CHCHD3: variants seen among roughly 807,000 people sequenced by gnomAD.
CHCHD3 encodes the protein coiled-coil-helix-coiled-coil-helix domain containing 3.
CHCHD3 carries 20 observed loss-of-function variants against 38.2 expected under a neutral mutation model. That is an observed-to-expected ratio of 0.52 (90% CI 0.37 to 0.76). The LOEUF (loss-of-function observed/expected upper bound fraction) is 0.76, where lower values mean the gene tolerates loss of function less well. CHCHD3 is among the 30% of genes least tolerant of loss of function. The pLI is 0.00. For synonymous variants in CHCHD3, 82 were observed against 100.0 expected (o/e 0.82, Z 1.07); for missense variants, 245 against 279.2 (o/e 0.88, Z 0.87).
intron 3 of CHCHD3, among the ~76,000 whole-genome samples, chr7:133,016,890 C>A (rs1368421855): frequency 6.6e-6 from 1 of 152,210 alleles, no homozygotes; most frequent in Non-Finnish European, 1.5e-5. Flanking sequence ...GACCACTGCC[C>A]ATAAACACGG....
chr7:132,874,901 G>A (rs1430082359), intron 5 of CHCHD3, among the ~76,000 whole-genome samples: 10 of 152,110 alleles, frequency 6.6e-5, no homozygotes, highest in Non-Finnish European at 1.3e-4. Context: ...GGACCCTGAG[G>A]CAGCCTCTTC....
At chr7:132,975,529 A>G (rs1441713854) in intron 3 of CHCHD3, among the ~76,000 whole-genome samples, 2 of 152,234 alleles carry the variant, frequency 1.3e-5, no homozygotes, top group Non-Finnish European at 2.9e-5. Context: ...GCTGCCAAAT[A>G]TAACTAAGTT....
intron 6 of CHCHD3, among the ~76,000 whole-genome samples, chr7:132,807,374 A>G (rs948062305): frequency 1.3e-5 from 2 of 151,976 alleles, no homozygotes; most frequent in African/African-American, 4.8e-5. Context: ...ATATTTACTC[A>G]TTTACTGATG....
intron 4 of CHCHD3, among the ~76,000 whole-genome samples, chr7:132,938,399 C>T (rs889144065): frequency 6.6e-6 from 1 of 152,158 alleles, no homozygotes; most frequent in African/African-American, 2.4e-5. Context: ...CAAATGAACA[C>T]GTAATACATC....
chr7:132,836,234 C>T (rs1807778140), intron 6 of CHCHD3, among the ~76,000 whole-genome samples: 1 of 152,146 alleles, frequency 6.6e-6, no homozygotes, highest in African/African-American at 2.4e-5. Context: ...CTGCCTTAGC[C>T]TTAGCTACCT....
At chr7:132,854,561 G>A (rs763213652) in intron 5 of CHCHD3, among the ~76,000 whole-genome samples, 3 of 152,166 alleles carry the variant, frequency 2.0e-5, no homozygotes, top group Non-Finnish European at 4.4e-5. Context: ...ATACAGATGA[G>A]AGAGTGGGGA....
intron 3 of CHCHD3, among the ~76,000 whole-genome samples, chr7:132,985,520 G>T (rs1425823386): frequency 1.4e-5 from 1 of 71,984 alleles, no homozygotes; most frequent in Non-Finnish European, 2.8e-5. Flanking sequence ...TCAGCCCCCG[G>T]CCCGGCCAGC....
intron 6 of CHCHD3, among the ~76,000 whole-genome samples, chr7:132,813,926 C>T (rs574852993): frequency 3.3e-5 from 5 of 152,276 alleles, no homozygotes; most frequent in South Asian, 4.1e-4. Context: ...TACGTGCTCA[C>T]GGGGAGCAAC....
intron 5 of CHCHD3, among the ~76,000 whole-genome samples, chr7:132,868,813 C>T (rs1808694207): frequency 6.6e-6 from 1 of 152,020 alleles, no homozygotes. Flanking sequence ...GAACACTGTC[C>T]CACAAAGCTC....
intron 4 of CHCHD3, among the ~76,000 whole-genome samples, chr7:132,948,659 T>C (rs1448019020): frequency 1.3e-5 from 2 of 152,126 alleles, no homozygotes; most frequent in Non-Finnish European, 2.9e-5. Context: ...CTACTGAACA[T>C]ACTATATCAA....
At chr7:132,861,349 CT>C (rs573286522) in intron 5 of CHCHD3, among the ~76,000 whole-genome samples, 3 of 152,142 alleles carry the variant, frequency 2.0e-5, no homozygotes, top group South Asian at 2.1e-4. Flanking sequence ...CTGAAAACCC[CT>C]CTCCTATTTT....
intron 5 of CHCHD3, among the ~76,000 whole-genome samples, chr7:132,864,774 A>T (rs866240886): frequency 1.4e-4 from 21 of 152,160 alleles, no homozygotes; most frequent in African/African-American, 3.6e-4. Context: ...CCAATTTTTT[A>T]AAAAAATAAA....
intron 7 of CHCHD3, among the ~76,000 whole-genome samples, chr7:132,795,724 A>C (rs1407032171): frequency 6.6e-6 from 1 of 152,244 alleles, no homozygotes; most frequent in African/African-American, 2.4e-5. Flanking sequence ...TCTGCCTCTC[A>C]GAACAACCAT....
chr7:132,933,053 T>A lies in CHCHD3; in HGVS notation c.369+42116A>T, dbSNP rs547220820. ...AACAAGGGTCACCTTCAGATTCAGA[T>A]GGAAAACCGAGGTCTTGACCAGTTT... On this transcript the variant is annotated intron_variant, in intron 4 of 7. Coordinates refer to ENST00000262570, the MANE Select transcript of CHCHD3 (RefSeq NM_017812.4). Among the ~76,000 whole-genome samples, 4 of 152,332 alleles carry A rather than the reference T, an allele frequency of 2.6e-5. No homozygotes were observed. The East Asian group carries it at 7.7e-4, about 29-fold the overall frequency.
At chr7:132,792,274 C>A (rs959596625) in intron 7 of CHCHD3, among the ~76,000 whole-genome samples, 2 of 152,212 alleles carry the variant, frequency 1.3e-5, no homozygotes, top group Non-Finnish European at 2.9e-5. Flanking sequence ...AGGGAGCCTG[C>A]ATTTTCTAAT....
intron 4 of CHCHD3, chr7:132,972,487 G>T: frequency 1.3e-6 from 1 of 746,398 alleles, no homozygotes; most frequent in Non-Finnish European, 1.6e-6. Flanking sequence ...TACATTGAGT[G>T]ATTTTAGTAT....
At chr7:132,843,278 A>C (rs1309130504) in intron 5 of CHCHD3, among the ~76,000 whole-genome samples, 1 of 152,128 alleles carries the variant, frequency 6.6e-6, no homozygotes, top group East Asian at 1.9e-4. Flanking sequence ...CTTATTAAAC[A>C]GTAGAGTCTT....
At chr7:132,930,060 A>C (rs1810478822) in intron 4 of CHCHD3, among the ~76,000 whole-genome samples, 1 of 152,148 alleles carries the variant, frequency 6.6e-6, no homozygotes, top group Admixed American at 6.5e-5. Flanking sequence ...AACCTAAGTG[A>C]CAGAAATCTT....
intron 5 of CHCHD3, among the ~76,000 whole-genome samples, chr7:132,856,225 G>C (rs1808339491): frequency 6.6e-6 from 1 of 152,154 alleles, no homozygotes. Flanking sequence ...AGACCTATAA[G>C]CAAGAATGCA....
Sources: allele counts gnomAD v4.1 joint callset (sites outside exome capture counted in the v4.1 genomes callset), GRCh38; gene constraint gnomAD v4.1.1; transcripts MANE v1.5; gene names NCBI Gene and HGNC (gene_info 2026-07-23, HGNC 2026-07-21).